IGFBPL1: variants seen among roughly 807,000 people sequenced by gnomAD.
IGFBPL1 encodes insulin-like growth factor-binding protein-like 1.
IGFBPL1 carries 20 observed loss-of-function variants against 23.9 expected under a neutral mutation model. The ratio of observed to expected loss-of-function variants is 0.84; its 90% CI spans 0.59 to 1.22. IGFBPL1 has a LOEUF of 1.22. Ranked by LOEUF, IGFBPL1 falls within the 50% of genes most tolerant of loss-of-function variation. The pLI, the probability that IGFBPL1 is intolerant of heterozygous loss-of-function variation, is 0.00. For synonymous variants in IGFBPL1, 184 were observed against 171.8 expected (o/e 1.07, Z -0.56); for missense variants, 436 against 379.3 (o/e 1.15, Z -1.24).
At chr9:38,419,887 TCCTC>T (rs1563920746) in intron 1 of IGFBPL1, among the ~76,000 whole-genome samples, 1 of 136,974 alleles carries the variant, frequency 7.3e-6, no homozygotes, top group African/African-American at 2.6e-5. Context: ...CTCCTCCTCC[TCCTC>T]CTTCTTCTTC....
intron 1 of IGFBPL1, among the ~76,000 whole-genome samples, chr9:38,416,622 G>A (rs1351478551): frequency 6.6e-6 from 1 of 151,474 alleles, no homozygotes; most frequent in African/African-American, 2.4e-5. Context: ...CAGAACAGTT[G>A]TTCTGTGACC....
chr9:38,421,284 C>CA (rs35342818), intron 1 of IGFBPL1, among the ~76,000 whole-genome samples: 25,366 of 91,338 alleles, frequency 0.28, 3,495 homozygotes, highest in Non-Finnish European at 0.3. Flanking sequence ...GACCCTGTCT[C>CA]AAAAAAAAAA....
intron 1 of IGFBPL1, among the ~76,000 whole-genome samples, chr9:38,414,406 T>C (rs939746163): frequency 6.6e-6 from 1 of 152,206 alleles, no homozygotes; most frequent in Admixed American, 6.5e-5. Context: ...ATGATTGTTT[T>C]ACCAATGGGA....
intron 1 of IGFBPL1, among the ~76,000 whole-genome samples, chr9:38,420,172 C>G (rs938007281): frequency 6.6e-6 from 1 of 152,158 alleles, no homozygotes; most frequent in Non-Finnish European, 1.5e-5. Context: ...TGAAGCTTCC[C>G]CCTTCGGCCT....
chr9:38,422,127 C>T (rs565239302), intron 1 of IGFBPL1, among the ~76,000 whole-genome samples: 1 of 152,340 alleles, frequency 6.6e-6, no homozygotes, highest in Admixed American at 6.5e-5. Flanking sequence ...TAACCACCAT[C>T]TGCCTGACTT....
chr9:38,411,560 A>G lies in IGFBPL1; in HGVS notation c.688-11T>C. The G allele has an allele frequency of 2.5e-6, 4 of 1,613,158 alleles. No homozygotes were observed. The South Asian group carries it at 3.3e-5, about 13-fold the overall frequency. ...TCGCAGGGGGTTGATCTAGAAATAC[A>G]ACAGGCAAGTTTATACAGTTATATA... On this transcript the variant is annotated splice_polypyrimidine_tract_variant and intron_variant, in intron 3 of 4. Transcript: ENST00000377694.
At position 38,424,184 on chromosome 9, in the gene IGFBPL1, C is replaced by T; in HGVS notation, c.241G>A (p.Ala81Thr). The T allele has an allele frequency of 8.6e-7, 1 of 1,162,888 alleles. No homozygotes were observed. The highest frequency in any genetic ancestry group is 1.1e-6 in the Non-Finnish European group (1 of 945,128). The allele number at this position is 1,162,888 out of a possible 1,614,324, so 72.0% of individuals were successfully genotyped here. ...GAEGASCGGR[A>T]GGRCGPGLVC... is the part of the protein sequence containing the mutation. ...AGGCCGGGGCCACAGCGCCCGCCGG[C>T]GCGGCCCCCGCAGCTCGCGCCCTCG... The change falls in exon 1 of 5, where the codon GCC becomes ACC. Residue 81 changes from alanine (A) to threonine (T), a missense_variant. Physicochemically the swap from Ala to Thr is moderately conservative, Grantham distance 58 (BLOSUM62 0). Transcript: ENST00000377694.
At position 38,424,254 on chromosome 9, in the gene IGFBPL1, G is replaced by C. The variant is rs1821727429; in HGVS notation, c.171C>G (p.Ile57Met). 6.5e-6 allele frequency: 8 copies of C among 1,222,066 alleles called. No individual in the cohort carries two copies. In the South Asian group the frequency reaches 2.7e-4, roughly 41 times the overall value. 75.7% of individuals were successfully genotyped at this position (1,222,066 alleles called of 1,614,324 possible). The stretch of plus-strand genomic sequence containing the variant: ...AGCAGCCGCACTCGTCGAGCGCCGA[G>C]ATCCCGGGCGCCGGGCAGGGCGCAG... ...PAPAPCPAPG[I>M]SALDECGCCA... Residue 57 changes from isoleucine to methionine, a missense_variant, in exon 1 of 5, where the codon ATC becomes ATG. Coordinates refer to ENST00000377694, the MANE Select transcript of IGFBPL1 (RefSeq NM_001007563.3).
chr9:38,423,646 G>A lies in IGFBPL1; in HGVS notation c.460+319C>T, dbSNP rs532369833. On this transcript the variant is annotated intron_variant, in intron 1 of 4. Transcript: ENST00000377694. ...CCTAGCGCTGGATACCTGGGAACTCGGATCCCCCTCCTTAACTCCCAGTCT... is the reference window on the plus strand; with the variant it reads ...CCTAGCGCTGGATACCTGGGAACTCAGATCCCCCTCCTTAACTCCCAGTCT... 2.6e-5 allele frequency among the ~76,000 whole-genome samples: 4 copies of A among 152,026 alleles called. No individual in the cohort carries two copies. The South Asian group carries it at 8.3e-4, about 32-fold the overall frequency.
chr9:38,414,315 G>A lies in IGFBPL1; in HGVS notation c.461-112C>T, dbSNP rs187544677. ...GCTGTGATGTCCTGACATGAGGGGA[G>A]CGGCACATCACGCTTGGGCAGGAAT... On this transcript the variant is annotated intron_variant, in intron 1 of 4. Transcript: ENST00000377694. 15 of 634,278 alleles carry A rather than the reference G, an allele frequency of 2.4e-5. No individual in the cohort carries two copies. The East Asian group carries it at 3.9e-4, about 17-fold the overall frequency. The allele number at this position is 634,278 out of a possible 1,614,324, so 39.3% of individuals were successfully genotyped here.
Position 38,408,415 on chromosome 9 carries a change from G to C in IGFBPL1, c.*812C>G, listed in dbSNP as rs755146801. Among the ~76,000 whole-genome samples, 2 of 152,086 alleles carry C rather than the reference G, an allele frequency of 1.3e-5. No homozygotes were observed. Among genetic ancestry groups the C allele is most frequent in the Non-Finnish European group, 2.9e-5 (2 of 68,020 alleles). ...TGCACTCCAGCCTGGGTGATAGAGC[G>C]AGACCCTGTCTCAAAATAAAATTTT... On this transcript the variant is annotated 3_prime_UTR_variant, in exon 5 of 5. Transcript: ENST00000377694.
chr9:38,413,190 G>A, intron 3 of IGFBPL1, 47 bp downstream of exon 3: 1 of 1,174,650 alleles, frequency 8.5e-7, no homozygotes, highest in Non-Finnish European at 1.3e-6. Context: ...TATAAAGGAT[G>A]GTTTATAATG....
At chr9:38,412,921 A>G (rs80257528) in intron 3 of IGFBPL1, among the ~76,000 whole-genome samples, 6,305 of 152,240 alleles carry the variant, frequency 0.041, 423 homozygotes, top group African/African-American at 0.14. Flanking sequence ...AATCCAGGCT[A>G]ATCTCCTTAT....
chr9:38,420,361 T>A (rs1209786953), intron 1 of IGFBPL1, among the ~76,000 whole-genome samples: 1 of 152,204 alleles, frequency 6.6e-6, no homozygotes, highest in Non-Finnish European at 1.5e-5. Flanking sequence ...TCTCTCCCCA[T>A]CCTTCAAGGC....
chr9:38,413,192 T>C, intron 3 of IGFBPL1, 45 bp downstream of exon 3: 1 of 1,222,646 alleles, frequency 8.2e-7, no homozygotes, highest in Non-Finnish European at 1.2e-6. Flanking sequence ...TAAAGGATGG[T>C]TTATAATGGT....
At chr9:38,422,721 G>A (rs780039349) in intron 1 of IGFBPL1, among the ~76,000 whole-genome samples, 2 of 152,228 alleles carry the variant, frequency 1.3e-5, no homozygotes, top group Non-Finnish European at 2.9e-5. Context: ...TGACTTTCCT[G>A]TGCTCAACTG....
rs1016559325 is a variant in IGFBPL1 at position 38,408,384 on chromosome 9, C to T, written c.*843G>A. Among the ~76,000 whole-genome samples the T allele has an allele frequency of 2.6e-5, 4 of 151,764 alleles. No individual in the cohort carries two copies. Among genetic ancestry groups the T allele is most frequent in the Admixed American group, 1.3e-4 (2 of 15,234 alleles). The stretch of plus-strand genomic sequence containing the variant: ...TGGAGGTTGCAGTGAGCCATGATCA[C>T]GCCACTGCACTCCAGCCTGGGTGAT... On this transcript the variant is annotated 3_prime_UTR_variant, in exon 5 of 5. Transcript: ENST00000377694.
rs1821536390 is a variant in IGFBPL1, at chr9:38,413,088, T to A, written c.687+149A>T. 2.1e-5 allele frequency: 13 copies of A among 618,270 alleles called. No homozygotes were observed. In the South Asian group the frequency reaches 2.5e-4, roughly 12 times the overall value. The allele number at this position is 618,270 out of a possible 1,614,324, so 38.3% of individuals were successfully genotyped here. On this transcript the variant is annotated intron_variant, in intron 3 of 4. Coordinates refer to ENST00000377694, the MANE Select transcript of IGFBPL1 (RefSeq NM_001007563.3). ...GCAGAACACGTATGTTCCCAGCAGATCTGAAACCTGCCCTGCCTGCCTCAC... is the reference window on the plus strand; with the variant it reads ...GCAGAACACGTATGTTCCCAGCAGAACTGAAACCTGCCCTGCCTGCCTCAC...
rs542046484 is a variant in IGFBPL1 at position 38,414,014 on chromosome 9, GTC to G, written c.570+78_570+79del. 1.8e-4 allele frequency: 134 copies of G among 753,016 alleles called. 2 individuals carry two copies. Among genetic ancestry groups the G allele is most frequent in the African/African-American group, 1.6e-3 (68 of 43,698 alleles). 46.6% of individuals were successfully genotyped at this position (753,016 alleles called of 1,614,324 possible). On this transcript the variant is annotated intron_variant, in intron 2 of 4. Coordinates refer to ENST00000377694, the MANE Select transcript of IGFBPL1 (RefSeq NM_001007563.3). ...AAAGAAAAACATTTTTACCACTCAC[GTC>G]TGTTTCTCCCTCTTTCTCACACACA...
Sources: gnomAD v4.1 joint callset for allele counts (sites outside exome capture counted in the v4.1 genomes callset) on GRCh38, gnomAD v4.1.1 for gene constraint, MANE v1.5 for transcripts, NCBI Gene and HGNC (gene_info 2026-07-23, HGNC 2026-07-21) for gene names.